The following GPR161 variants were observed in gnomAD, a reference collection of about 807,000 sequenced individuals.
GPR161 encodes the protein G protein-coupled receptor 161.
In GPR161, 25 loss-of-function variants were observed where a neutral mutation model predicts 39.2. The ratio of observed to expected loss-of-function variants is 0.64; its 90% CI spans 0.47 to 0.89. The LOEUF (loss-of-function observed/expected upper bound fraction) is 0.89, where lower values mean the gene tolerates loss of function less well. Ranked by LOEUF, GPR161 falls within the 40% of genes least tolerant of loss-of-function variation. GPR161 has a pLI of 0.00. For missense variants in GPR161, 547 were observed against 677.8 expected, an observed-to-expected ratio of 0.81 and a Z score of 2.14; for synonymous variants, 286 against 276.6, an observed-to-expected ratio of 1.03 and a Z score of -0.34.
chr1:168,109,629 C>G (rs1361714149), intron 1 of GPR161, among the ~76,000 whole-genome samples: 2 of 152,090 alleles, frequency 1.3e-5, no homozygotes, highest in Non-Finnish European at 2.9e-5. Context: ...ACATTTTTTT[C>G]CATGAGAAAT....
rs1197020585 is a variant in GPR161, at chr1:168,136,729, G to A, written c.-45+10C>T. ...CGGGCCCGCGCCCGCGCCCCACGCC[G>A]GGTGCTCACCGAGGAGCGGCCGCCG... On this transcript the variant is annotated intron_variant, in intron 1 of 5. Coordinates refer to ENST00000682931, the MANE Select transcript of GPR161 (RefSeq NM_001375883.1). 4 of 1,014,642 alleles carry A rather than the reference G, an allele frequency of 3.9e-6. No homozygotes were observed. The highest frequency in any genetic ancestry group is 4.7e-6 in the Non-Finnish European group (4 of 850,602). 62.9% of individuals were successfully genotyped at this position (1,014,642 alleles called of 1,614,324 possible). A position where few individuals can be genotyped will look rare whatever the true frequency, so the allele number is the denominator to read the frequency against.
At chr1:168,094,724 A>G (rs275156) in intron 3 of GPR161, among the ~76,000 whole-genome samples, 6,371 of 152,314 alleles carry the variant, frequency 0.042, 445 homozygotes, top group African/African-American at 0.15. Context: ...TTAGGACTGT[A>G]GTCCAAGCTG....
Position 168,080,075 on chromosome 1 carries a change from T to C in GPR161, c.*5456A>G, listed in dbSNP as rs947398510. 1 of 152,344 alleles carries C rather than the reference T, an allele frequency of 6.6e-6. No individual in the cohort carries two copies. Among genetic ancestry groups the C allele is most frequent in the Admixed American group, 6.5e-5 (1 of 15,300 alleles). 9.4% of individuals were successfully genotyped at this position (152,344 alleles called of 1,614,324 possible). A position where few individuals can be genotyped will look rare whatever the true frequency, so the allele number is the denominator to read the frequency against. On this transcript the variant is annotated 3_prime_UTR_variant, in exon 6 of 6. Coordinates refer to ENST00000682931, the MANE Select transcript of GPR161 (RefSeq NM_001375883.1). ...AGATTTGAGTTTGTGCTTTGATGTT[T>C]TCAAAGGAATCTTCAAGGTATTGGA...
chr1:168,117,264 A>G (rs568222670), intron 1 of GPR161, among the ~76,000 whole-genome samples: 2 of 152,280 alleles, frequency 1.3e-5, no homozygotes, highest in South Asian at 4.2e-4. Flanking sequence ...GTATTGCTTA[A>G]TTATTAACTA....
chr1:168,080,370 C>T lies in GPR161; in HGVS notation c.*5161G>A, dbSNP rs1219957500. ...CAAGACTTGGAGTTTGGCTTTGACT[C>T]TGGCTTAACTTACTTTGAGACCTCA... On this transcript the variant is annotated 3_prime_UTR_variant, in exon 6 of 6. Coordinates refer to ENST00000682931, the MANE Select transcript of GPR161 (RefSeq NM_001375883.1). The T allele has an allele frequency of 6.6e-6, 1 of 152,402 alleles. No individual in the cohort carries two copies. The highest frequency in any genetic ancestry group is 2.4e-5 in the African/African-American group (1 of 41,450). 9.4% of individuals were successfully genotyped at this position (152,402 alleles called of 1,614,324 possible).
At chr1:168,103,146 A>T (rs1174128175) in intron 2 of GPR161, among the ~76,000 whole-genome samples, 2 of 152,228 alleles carry the variant, frequency 1.3e-5, no homozygotes, top group African/African-American at 4.8e-5. Context: ...CTGTGAAAAT[A>T]ATTTATATAC....
intron 1 of GPR161, chr1:168,118,495 CTTAATGGGTACAATGTACG>C (rs1697822714): frequency 6.6e-6 from 1 of 152,230 alleles, no homozygotes; most frequent in African/African-American, 2.4e-5. Context: ...GGAGAAACAA[CTTAATGGGTACAATGTACG>C]TTACTCCAGT....
chr1:168,108,619 G>C (rs12120939), intron 1 of GPR161, among the ~76,000 whole-genome samples: 5 of 148,400 alleles, frequency 3.4e-5, no homozygotes, highest in African/African-American at 5.1e-5. Context: ...CAGAAATTAA[G>C]AGAGAGAGAA....
At position 168,096,752 on chromosome 1, in the gene GPR161, G is replaced by C. The variant is rs759053198; in HGVS notation, c.855C>G (p.Pro285=). 6.2e-6 allele frequency: 10 copies of C among 1,614,060 alleles called. No homozygotes were observed. In the South Asian group the frequency reaches 8.8e-5, roughly 14 times the overall value. ...VLGAFMVTWG[P]YMVVIASEAL... ...CCTCAGAGGCGATGACAACCATGTAGGGGCCCCAGGTGACCATGAAGGCAC... is the reference window on the plus strand; with the variant it reads ...CCTCAGAGGCGATGACAACCATGTACGGGCCCCAGGTGACCATGAAGGCAC... Residue 285 remains proline (P), a synonymous_variant, in exon 3 of 6, where the codon CCC becomes CCG. Coordinates refer to ENST00000682931, the MANE Select transcript of GPR161 (RefSeq NM_001375883.1).
rs1572231036 is a variant in GPR161, at chr1:168,085,812, G to A, written c.1325-16C>T. 2.5e-6 allele frequency: 4 copies of A among 1,598,022 alleles called. No individual in the cohort carries two copies. Among genetic ancestry groups the A allele is most frequent in the African/African-American group, 1.3e-5 (1 of 74,320 alleles). ...TTGGCAGCTTCTGAGGGAGAAGGCA[G>A]AAAAAAAAGTCAGCTGAGGAGCCAG... is the stretch of plus-strand genomic sequence containing the variant. On this transcript the variant is annotated splice_polypyrimidine_tract_variant and intron_variant, in intron 5 of 5. Transcript: ENST00000682931.
intron 3 of GPR161, among the ~76,000 whole-genome samples, chr1:168,092,188 C>T (rs1040080273): frequency 6.6e-6 from 1 of 152,214 alleles, no homozygotes; most frequent in African/African-American, 2.4e-5. Context: ...TTCCCCTGCA[C>T]ATGCCCATCC....
chr1:168,087,173 C>T (rs1284707781), intron 5 of GPR161, among the ~76,000 whole-genome samples: 7 of 152,168 alleles, frequency 4.6e-5, no homozygotes, highest in Admixed American at 1.3e-4. Context: ...GCTGTAGGAG[C>T]GACGGACAAG....
chr1:168,128,419 C>T (rs1698749142), intron 1 of GPR161, among the ~76,000 whole-genome samples: 1 of 152,180 alleles, frequency 6.6e-6, no homozygotes, highest in Admixed American at 6.5e-5. Context: ...AAACATTTTA[C>T]AATACACAAG....
In GPR161 at chr1:168,098,726, A is replaced by G. The variant is rs1695796077; in HGVS notation, c.375-1494T>C. Reference sequence around the variant, plus strand: ...TCCTGGAAAGAGAGCATTTCCGGCTATGCGGCCTGAGGAGAAGATTGCGCA... The same window carrying G: ...TCCTGGAAAGAGAGCATTTCCGGCTGTGCGGCCTGAGGAGAAGATTGCGCA... On this transcript the variant is annotated intron_variant, in intron 2 of 5. Transcript: ENST00000682931. The surrounding 1 kb of genome is among the most constrained non-coding windows in gnomAD (Gnocchi z 4.1). Among the ~76,000 whole-genome samples, 1 of 152,224 alleles carries G rather than the reference A, an allele frequency of 6.6e-6. No homozygotes were observed. Among genetic ancestry groups the G allele is most frequent in the Non-Finnish European group, 1.5e-5 (1 of 68,050 alleles).
At chr1:168,109,434 G>T (rs1696923105) in intron 1 of GPR161, among the ~76,000 whole-genome samples, 1 of 152,168 alleles carries the variant, frequency 6.6e-6, no homozygotes, top group African/African-American at 2.4e-5. Flanking sequence ...TAGGGCAGAG[G>T]TTTTTAGGTG....
Position 168,082,250 on chromosome 1 carries a change from C to CT in GPR161, c.*3280dup, listed in dbSNP as rs112068292. The CT allele has an allele frequency of 2.9e-3, 448 of 152,308 alleles. 1 individual carries two copies. Among genetic ancestry groups the CT allele is most frequent in the African/African-American group, 0.01 (426 of 41,556 alleles). The allele number at this position is 152,308 out of a possible 1,614,324, so 9.4% of individuals were successfully genotyped here. ...AGGAGCAGTGATCTACCTAAGATCA[C>CT]TCAGTGGCAATACCTGTGAACCTGG... On this transcript the variant is annotated 3_prime_UTR_variant, in exon 6 of 6. Transcript: ENST00000682931.
In GPR161 at chr1:168,082,026, A is replaced by C. The variant is rs1049125552; in HGVS notation, c.*3505T>G. 1 of 152,258 alleles carries C rather than the reference A, an allele frequency of 6.6e-6. No individual in the cohort carries two copies. The highest frequency in any genetic ancestry group is 2.4e-5 in the African/African-American group (1 of 41,454). 9.4% of individuals were successfully genotyped at this position (152,258 alleles called of 1,614,324 possible). Reference sequence around the variant, plus strand: ...TATTCAGGGAAATCTGAAGAGACTAACCATCTGTCATTGTATCAAAGCATT... The same window carrying C: ...TATTCAGGGAAATCTGAAGAGACTACCCATCTGTCATTGTATCAAAGCATT... On this transcript the variant is annotated 3_prime_UTR_variant, in exon 6 of 6. Transcript: ENST00000682931.
At position 168,098,827 on chromosome 1, in the gene GPR161, G is replaced by C. The variant is rs1695807500; in HGVS notation, c.375-1595C>G. Among the ~76,000 whole-genome samples, 1 of 152,232 alleles carries C rather than the reference G, an allele frequency of 6.6e-6. No individual in the cohort carries two copies. Among genetic ancestry groups the C allele is most frequent in the Admixed American group, 6.5e-5 (1 of 15,286 alleles). On this transcript the variant is annotated intron_variant, in intron 2 of 5. Coordinates refer to ENST00000682931, the MANE Select transcript of GPR161 (RefSeq NM_001375883.1). This position sits in a 1 kb window ranked among gnomAD's most constrained non-coding sequence, Gnocchi z 4.1. ...ATTACTGTCTTTCGCTGCTATCTGGGCTTGCATCTTGCAAAGGCCGTGCAG... is the reference window on the plus strand; with the variant it reads ...ATTACTGTCTTTCGCTGCTATCTGGCCTTGCATCTTGCAAAGGCCGTGCAG...
chr1:168,098,748 C>A lies in GPR161; in HGVS notation c.375-1516G>T, dbSNP rs1204465346. ...GCTATGCGGCCTGAGGAGAAGATTG[C>A]GCAGTGATTAGGGTGTCTATTACAG... is the stretch of plus-strand genomic sequence containing the variant. On this transcript the variant is annotated intron_variant, in intron 2 of 5. Transcript: ENST00000682931. The surrounding 1 kb of genome is among the most constrained non-coding windows in gnomAD (Gnocchi z 4.1). Among the ~76,000 whole-genome samples, 1 of 152,216 alleles carries A rather than the reference C, an allele frequency of 6.6e-6. No homozygotes were observed. The highest frequency in any genetic ancestry group is 6.5e-5 in the Admixed American group (1 of 15,282).
Sources: gnomAD v4.1 joint callset for allele counts (sites outside exome capture counted in the v4.1 genomes callset) on GRCh38, gnomAD v4.1.1 for gene constraint, Gnocchi (gnomAD v3.1) non-coding constraint, MANE v1.5 for transcripts, NCBI Gene and HGNC (gene_info 2026-07-23, HGNC 2026-07-21) for gene names.